Variants in SYCP1 observed in about 807,000 individuals in gnomAD.
SYCP1 encodes the protein cancer/testis antigen 8.
A neutral mutation model predicts 153.1 loss-of-function variants in SYCP1; 64 were observed. The observed-to-expected ratio is 0.42, with a 90% CI of 0.34 to 0.51. The LOEUF (loss-of-function observed/expected upper bound fraction) is 0.51. Ranked by LOEUF, SYCP1 falls within the 20% of genes least tolerant of loss-of-function variation. The pLI, the probability that SYCP1 is intolerant of heterozygous loss-of-function variation, is 0.06. For synonymous variants in SYCP1, 384 were observed against 341.8 expected (o/e 1.12, Z -1.36); for missense variants, 997 against 1,049.0 (o/e 0.95, Z 0.68).
At chr1:114,958,380 A>G (rs1671566000) in intron 27 of SYCP1, among the ~76,000 whole-genome samples, 1 of 152,182 alleles carries the variant, frequency 6.6e-6, no homozygotes, top group Non-Finnish European at 1.5e-5. Context: ...TGGTAGCACA[A>G]TAGGGCTAGT....
At chr1:114,907,061 C>T (rs767361392) in intron 16 of SYCP1, among the ~76,000 whole-genome samples, 11 of 152,004 alleles carry the variant, frequency 7.2e-5, no homozygotes, top group Non-Finnish European at 1.5e-4. Context: ...TGAATTGACC[C>T]TTTGATTATA....
At position 114,857,490 on chromosome 1, in the gene SYCP1, AT is replaced by A; in HGVS notation, c.287del (p.Leu96TrpfsTer7). Reference protein sequence around the residue: ...CHYQEGLKDSDLENSEGLSRV... With the variant: ...CHYQEGLKDSXLENSEGLSRV... ...TATCAGGAAGGACTAAAAGACTCTGATTTGGAGGTCAGAAGATTTCCCATTC... is the reference window on the plus strand; with the variant it reads ...TATCAGGAAGGACTAAAAGACTCTGATTGGAGGTCAGAAGATTTCCCATTC... On this transcript the variant is annotated frameshift_variant, in exon 5 of 32. Coordinates refer to ENST00000369522, the MANE Select transcript of SYCP1 (RefSeq NM_003176.4). LOFTEE classifies it high-confidence loss of function. 2 of 1,597,656 alleles carry A rather than the reference AT, an allele frequency of 1.3e-6. No individual in the cohort carries two copies. Among genetic ancestry groups the A allele is most frequent in the Non-Finnish European group, 1.7e-6 (2 of 1,171,560 alleles).
intron 20 of SYCP1, among the ~76,000 whole-genome samples, chr1:114,920,245 C>G (rs767320684): frequency 3.9e-5 from 6 of 151,988 alleles, no homozygotes; most frequent in Admixed American, 6.6e-5. Flanking sequence ...ACCCACTAAC[C>G]ATTCAGGAGC....
intron 8 of SYCP1, among the ~76,000 whole-genome samples, chr1:114,868,335 C>G (rs1394983471): frequency 6.6e-6 from 1 of 152,000 alleles, no homozygotes; most frequent in East Asian, 1.9e-4. Flanking sequence ...GAGATGGGAT[C>G]TTGCTATGTT....
In SYCP1 at chr1:114,953,207, A is replaced by G. The variant is rs183603068; in HGVS notation, c.2322+5887A>G. 1.8e-3 allele frequency among the ~76,000 whole-genome samples: 267 copies of G among 152,384 alleles called. 1 individual carries two copies. The highest frequency in any genetic ancestry group is 3.4e-3 in the Middle Eastern group (1 of 294). ...AATTTCAACATGAGTTTTGGAGGGT[A>G]CAAACATTCAAACCATAGCATCAGA... On this transcript the variant is annotated intron_variant, in intron 27 of 31. Transcript: ENST00000369522.
chr1:114,891,179 A>G (rs2101576300), intron 15 of SYCP1, among the ~76,000 whole-genome samples: 1 of 152,248 alleles, frequency 6.6e-6, no homozygotes, highest in African/African-American at 2.4e-5. Flanking sequence ...CATCTTGGTT[A>G]AAGTGGTCTT....
At chr1:114,875,700 G>C (rs1327224693) in intron 9 of SYCP1, among the ~76,000 whole-genome samples, 2 of 152,230 alleles carry the variant, frequency 1.3e-5, no homozygotes, top group Non-Finnish European at 2.9e-5. Flanking sequence ...GCTGATGGAA[G>C]TGTAACTTTG....
intron 28 of SYCP1, among the ~76,000 whole-genome samples, chr1:114,980,858 G>T (rs1042141299): frequency 6.6e-6 from 1 of 151,814 alleles, no homozygotes; most frequent in Non-Finnish European, 1.5e-5. Context: ...GGGGTTTGTT[G>T]TACAGATTAT....
At chr1:114,890,325 AAT>A (rs1666617046) in intron 15 of SYCP1, among the ~76,000 whole-genome samples, 1 of 151,626 alleles carries the variant, frequency 6.6e-6, no homozygotes, top group African/African-American at 2.4e-5. Context: ...TTATGTTTTA[AAT>A]ATGTTTTATA....
rs1466629838 is a variant in SYCP1 at position 114,869,307 on chromosome 1, G to A, written c.599-5199G>A. Among the ~76,000 whole-genome samples the A allele has an allele frequency of 4.6e-5, 7 of 152,264 alleles. No individual in the cohort carries two copies. The East Asian group carries it at 1.3e-3, about 29-fold the overall frequency. On this transcript the variant is annotated intron_variant, in intron 8 of 31. Coordinates refer to ENST00000369522, the MANE Select transcript of SYCP1 (RefSeq NM_003176.4). ...TTTGACTCAGGTGGTATTTAGAAGTGTCTTGGTTATTCTCCAAGCATTTTG... is the reference window on the plus strand; with the variant it reads ...TTTGACTCAGGTGGTATTTAGAAGTATCTTGGTTATTCTCCAAGCATTTTG...
At chr1:114,963,961 A>G (rs972480928) in intron 27 of SYCP1, among the ~76,000 whole-genome samples, 1 of 152,140 alleles carries the variant, frequency 6.6e-6, no homozygotes, top group Admixed American at 6.5e-5. Context: ...TGTCTTCCAC[A>G]ATGGTTGAAC....
In SYCP1 at chr1:114,946,336, T is replaced by G; in HGVS notation, c.2202T>G (p.Leu734=). 2 of 1,587,196 alleles carry G rather than the reference T, an allele frequency of 1.3e-6. No individual in the cohort carries two copies. Among genetic ancestry groups the G allele is most frequent in the Non-Finnish European group, 8.5e-7 (1 of 1,170,322 alleles). ...IIEERDSELG[L]YKSKEQEQSS... is the part of the protein sequence containing the mutation. ...AAGAAAGAGACTCAGAATTAGGACT[T>G]TATAAGAGCAAAGAACAAGAACAGT... Residue 734 remains leucine, a synonymous_variant, in exon 26 of 32, where the codon CTT becomes CTG. Coordinates refer to ENST00000369522, the MANE Select transcript of SYCP1 (RefSeq NM_003176.4).
Position 114,893,109 on chromosome 1 carries a change from A to G in SYCP1, c.1259-2339A>G, listed in dbSNP as rs1666833906. Among the ~76,000 whole-genome samples the G allele has an allele frequency of 1.3e-5, 2 of 152,188 alleles. 1 individual carries two copies. Among genetic ancestry groups the G allele is most frequent in the South Asian group, 4.1e-4 (2 of 4,830 alleles). On this transcript the variant is annotated intron_variant, in intron 15 of 31. Transcript: ENST00000369522. Reference sequence around the variant, plus strand: ...AGAGGATCTATTTGAAGTGTAATTTATCTACTCACTAATTTAGTTATTCTT... The same window carrying G: ...AGAGGATCTATTTGAAGTGTAATTTGTCTACTCACTAATTTAGTTATTCTT...
In SYCP1 at chr1:114,984,827, T is replaced by C; in HGVS notation, c.2662T>C (p.Phe888Leu). ...AAAAAAGAGAAAAATGGCCTTTGAATTTGATATTAATTCAGATAGTTCAGA... is the reference window on the plus strand; with the variant it reads ...AAAAAAGAGAAAAATGGCCTTTGAACTTGATATTAATTCAGATAGTTCAGA... ...SKKKRKMAFE[F>L]DINSDSSETT... The change falls in exon 30 of 32, where the codon TTT becomes CTT. Residue 888 changes from phenylalanine to leucine, a missense_variant. Physicochemically the swap from Phe to Leu is conservative, Grantham distance 22 (BLOSUM62 0). Transcript: ENST00000369522. 6.7e-7 allele frequency: 1 copy of C among 1,488,878 alleles called. No homozygotes were observed. The highest frequency in any genetic ancestry group is 1.4e-5 in the South Asian group (1 of 72,262). 92.2% of individuals were successfully genotyped at this position (1,488,878 alleles called of 1,614,324 possible). A position where few individuals can be genotyped will look rare whatever the true frequency, so the allele number is the denominator to read the frequency against.
At chr1:114,877,834 C>A (rs1336615845) in intron 11 of SYCP1, among the ~76,000 whole-genome samples, 3 of 152,106 alleles carry the variant, frequency 2.0e-5, no homozygotes, top group Non-Finnish European at 4.4e-5. Context: ...ATTATATATA[C>A]CCCCACCCAT....
intron 27 of SYCP1, among the ~76,000 whole-genome samples, chr1:114,949,328 A>T (rs571373715): frequency 6.6e-6 from 1 of 152,316 alleles, no homozygotes; most frequent in East Asian, 1.9e-4. Context: ...TCTTCAGCAG[A>T]CTGGATCTGG....
chr1:114,941,150 A>G (rs988118295), intron 23 of SYCP1, among the ~76,000 whole-genome samples: 3 of 152,076 alleles, frequency 2.0e-5, no homozygotes, highest in Non-Finnish European at 2.9e-5. Flanking sequence ...GGCCCTCCAT[A>G]TATGTGAGTT....
intron 30 of SYCP1, among the ~76,000 whole-genome samples, chr1:114,987,773 C>A (rs113382333): frequency 0.013 from 2,036 of 151,680 alleles, 46 homozygotes; most frequent in African/African-American, 0.046. Flanking sequence ...CAGAAATTAT[C>A]CTTGAGGAAG....
intron 27 of SYCP1, among the ~76,000 whole-genome samples, chr1:114,949,728 T>G (rs1670967825): frequency 6.6e-6 from 1 of 152,234 alleles, no homozygotes; most frequent in Non-Finnish European, 1.5e-5. Context: ...ATTCTGTTCT[T>G]TTCTTAAGTA....
Sources: allele counts gnomAD v4.1 joint callset (sites outside exome capture counted in the v4.1 genomes callset), GRCh38; gene constraint gnomAD v4.1.1; transcripts MANE v1.5; gene names NCBI Gene and HGNC (gene_info 2026-07-23, HGNC 2026-07-21).